Variants in BTG4 observed in about 807,000 individuals in gnomAD.
The protein encoded by BTG4 is protein BTG4.
Under a neutral mutation model 19.3 loss-of-function variants are expected in BTG4, and 10 were observed. The observed-to-expected ratio is 0.52, with a 90% CI of 0.32 to 0.88. BTG4 has a LOEUF of 0.88. Among genes scored for constraint, BTG4 ranks in the 40% least tolerant of loss-of-function variants. BTG4 has a pLI of 0.04. For missense variants in BTG4, 238 were observed against 281.9 expected (o/e 0.84, Z 1.11); for synonymous variants, 91 against 95.7 (o/e 0.95, Z 0.29).
At chr11:111,395,387 C>T in the BTG4 span, among the ~76,000 whole-genome samples, 156 of 152,326 alleles carry the variant, frequency 1.0e-3, 1 homozygote, top group African/African-American at 3.5e-3. Context: ...TGCTCCCATC[C>T]CTGCTCCCGG....
the BTG4 span, among the ~76,000 whole-genome samples, chr11:111,389,202 C>T: frequency 6.6e-6 from 1 of 152,090 alleles, no homozygotes; most frequent in Non-Finnish European, 1.5e-5. Flanking sequence ...TTTTCAACTA[C>T]CACTTCTGTA....
At chr11:111,507,891 T>C (rs1866569823) in intron 1 of BTG4, 1 of 152,182 alleles carries the variant, frequency 6.6e-6, no homozygotes, top group Non-Finnish European at 1.5e-5. Flanking sequence ...CCAGCAGACC[T>C]TTCTTGGAGA....
chr11:111,402,182 C>T, the BTG4 span, among the ~76,000 whole-genome samples: 4 of 144,886 alleles, frequency 2.8e-5, no homozygotes, highest in African/African-American at 7.8e-5. Context: ...TTCCCCTGCA[C>T]GTGCCCTCTT....
chr11:111,419,319 C>T, the BTG4 span, among the ~76,000 whole-genome samples: 1 of 152,222 alleles, frequency 6.6e-6, no homozygotes, highest in African/African-American at 2.4e-5. Flanking sequence ...AGAATTAGGC[C>T]TGTAACTGCC....
At chr11:111,511,029 T>C (rs1279684710) in intron 1 of BTG4, among the ~76,000 whole-genome samples, 1 of 152,248 alleles carries the variant, frequency 6.6e-6, no homozygotes, top group Non-Finnish European at 1.5e-5. Context: ...ATATTGTTAA[T>C]GGAATGAAGA....
At chr11:111,455,701 A>G in the BTG4 span, 15 of 414,138 alleles carry the variant, frequency 3.6e-5, no homozygotes, top group Non-Finnish European at 7.1e-5. Flanking sequence ...GGGTCCCGGA[A>G]CTGGCCAAAA....
At chr11:111,389,512 G>A in the BTG4 span, among the ~76,000 whole-genome samples, 2 of 152,184 alleles carry the variant, frequency 1.3e-5, no homozygotes, top group Non-Finnish European at 2.9e-5. Context: ...TGAACCCAGA[G>A]ACAAAGTCTG....
downstream of BTG4, among the ~76,000 whole-genome samples, chr11:111,490,419 C>T (rs1266136501): frequency 1.3e-5 from 2 of 152,122 alleles, no homozygotes; most frequent in African/African-American, 2.4e-5. Flanking sequence ...CACATGTACT[C>T]CACATATATA....
the BTG4 span, among the ~76,000 whole-genome samples, chr11:111,459,018 G>A: frequency 6.6e-6 from 1 of 152,166 alleles, no homozygotes; most frequent in South Asian, 2.1e-4. Context: ...GAGGCAGGTG[G>A]ATTGCTTGAG....
intron 5 of BTG4, among the ~76,000 whole-genome samples, chr11:111,485,751 A>C (rs1865028033): frequency 6.6e-6 from 1 of 152,206 alleles, no homozygotes; most frequent in Non-Finnish European, 1.5e-5. Flanking sequence ...ATCAGAGCAG[A>C]AGTGAATGAA....
chr11:111,467,489 C>T (rs375513284), downstream of BTG4: 5 of 518,824 alleles, frequency 9.6e-6, no homozygotes, highest in South Asian at 3.3e-5. Context: ...GCTGATGCCA[C>T]GTAGCTGAGA....
At chr11:111,429,464 G>T in the BTG4 span, among the ~76,000 whole-genome samples, 1 of 152,280 alleles carries the variant, frequency 6.6e-6, no homozygotes, top group African/African-American at 2.4e-5. Flanking sequence ...ACAGACATTT[G>T]TACCTAGAAG....
the BTG4 span, chr11:111,451,318 T>C: frequency 3.0e-5 from 13 of 426,436 alleles, no homozygotes; most frequent in East Asian, 2.2e-4. Flanking sequence ...GAGTCCCAGC[T>C]CTATGAGCAA....
rs1865748382 is a variant in BTG4, at chr11:111,496,621, T to C, written c.510+590A>G. The C allele has an allele frequency of 2.0e-5, 3 of 152,246 alleles. No individual in the cohort carries two copies. In the South Asian group the frequency reaches 6.2e-4, roughly 31 times the overall value. 9.4% of individuals were successfully genotyped at this position (152,246 alleles called of 1,614,324 possible). A position where few individuals can be genotyped will look rare whatever the true frequency, so the allele number is the denominator to read the frequency against. On this transcript the variant is annotated intron_variant, in intron 4 of 4. Coordinates refer to ENST00000692032, the MANE Select transcript of BTG4 (RefSeq NM_001367975.1). The stretch of plus-strand genomic sequence containing the variant: ...ACAAATTCTCTCTAGATCAGTGTTT[T>C]TCAAATTGTGGGTCATGAAATCAAT...
At chr11:111,395,286 A>G in the BTG4 span, among the ~76,000 whole-genome samples, 1 of 152,314 alleles carries the variant, frequency 6.6e-6, no homozygotes, top group East Asian at 1.9e-4. Context: ...ACGCCTCCAC[A>G]GCCCCGGTGG....
chr11:111,480,864 T>A (rs1435076219), intron 5 of BTG4, among the ~76,000 whole-genome samples: 1 of 151,468 alleles, frequency 6.6e-6, no homozygotes, highest in Non-Finnish European at 1.5e-5. Context: ...GTCAATTCAA[T>A]AATCTTAGCT....
At chr11:111,480,440 C>T (rs1591472292) in intron 5 of BTG4, among the ~76,000 whole-genome samples, 1 of 152,072 alleles carries the variant, frequency 6.6e-6, no homozygotes, top group East Asian at 1.9e-4. Context: ...TAAAAGAACT[C>T]GACACCATCA....
chr11:111,408,359 A>C, the BTG4 span, among the ~76,000 whole-genome samples: 1 of 152,230 alleles, frequency 6.6e-6, no homozygotes, highest in Non-Finnish European at 1.5e-5. Context: ...GAAGAGATGC[A>C]GGGGACCTCA....
In BTG4 at chr11:111,498,627, G is replaced by A; in HGVS notation, c.150C>T (p.Cys50=). ...ACCTGAAGGCTTGCCCTTTAGAAGG[G>A]CAATCAGAGTGCCAGTGACTTCTGT... The part of the protein sequence containing the change: ...ETYRSHWHSD[C]PSKGQAFRCI... The change falls in exon 2 of 5, where the codon TGC becomes TGT. Residue 50 remains cysteine, a synonymous_variant. Transcript: ENST00000692032. The A allele has an allele frequency of 1.9e-6, 3 of 1,613,286 alleles. No homozygotes were observed. Among genetic ancestry groups the A allele is most frequent in the Non-Finnish European group, 2.5e-6 (3 of 1,179,836 alleles).
Sources: allele counts gnomAD v4.1 joint callset (sites outside exome capture counted in the v4.1 genomes callset), GRCh38; gene constraint gnomAD v4.1.1; transcripts MANE v1.5; gene names NCBI Gene and HGNC (gene_info 2026-07-23, HGNC 2026-07-21).